The following STAT4 variants were observed in gnomAD, a reference collection of about 807,000 sequenced individuals.
The protein encoded by STAT4 is signal transducer and activator of transcription 4.
STAT4 carries 42 observed loss-of-function variants against 110.5 expected under a neutral mutation model. The ratio of observed to expected loss-of-function variants is 0.38; its 90% confidence interval spans 0.30 to 0.49. The LOEUF (loss-of-function observed/expected upper bound fraction) is 0.49, where lower values mean the gene tolerates loss of function less well. STAT4 is among the 20% of genes least tolerant of loss of function. The pLI is 0.95. For missense variants in STAT4, 632 were observed against 887.9 expected, an observed-to-expected ratio of 0.71 and a Z score of 3.66; for synonymous variants, 284 against 302.2, an observed-to-expected ratio of 0.94 and a Z score of 0.63.
At chr2:191,130,483 A>G (rs1699005912) in intron 3 of STAT4, among the ~76,000 whole-genome samples, 1 of 151,568 alleles carries the variant, frequency 6.6e-6, no homozygotes, top group Admixed American at 6.6e-5. Context: ...CGGCCTCCCA[A>G]AGTGCTGGGA....
chr2:191,095,917 T>TA (rs1395658195), intron 3 of STAT4, among the ~76,000 whole-genome samples: 10 of 151,878 alleles, frequency 6.6e-5, no homozygotes, highest in African/African-American at 2.4e-4. Flanking sequence ...ACAGATGCAA[T>TA]AAAAAATGAT....
At chr2:191,048,179 T>C (rs1696404206) in intron 14 of STAT4, among the ~76,000 whole-genome samples, 1 of 152,190 alleles carries the variant, frequency 6.6e-6, no homozygotes, top group Non-Finnish European at 1.5e-5. Context: ...TTTACTGAAC[T>C]GAAATGTGGG....
intron 7 of STAT4, 61 bp from the exon 8 acceptor site, chr2:191,065,019 T>C: frequency 1.4e-6 from 2 of 1,433,084 alleles, no homozygotes; most frequent in Non-Finnish European, 1.8e-6. Flanking sequence ...TAGAATTCAA[T>C]TTACAAAACT....
intron 3 of STAT4, among the ~76,000 whole-genome samples, chr2:191,106,362 GAA>G (rs113578974): frequency 7.0e-6 from 1 of 143,484 alleles, no homozygotes; most frequent in Non-Finnish European, 1.5e-5. Context: ...TGTCTGCTTA[GAA>G]AAAAAAAAAA....
At chr2:191,038,614 T>C (rs981226058) in intron 16 of STAT4, among the ~76,000 whole-genome samples, 8 of 152,202 alleles carry the variant, frequency 5.3e-5, no homozygotes, top group African/African-American at 1.7e-4. Context: ...CCTTCCCTGG[T>C]TGTCTTATAA....
In STAT4 at chr2:191,137,015, T is replaced by C. The variant is rs1432315131; in HGVS notation, c.273+9598A>G. Among the ~76,000 whole-genome samples the C allele has an allele frequency of 2.8e-5, 3 of 106,402 alleles. No homozygotes were observed. The East Asian group carries it at 7.4e-4, about 26-fold the overall frequency. The allele number at this position is 106,402 out of a possible 152,430, so 69.8% of individuals were successfully genotyped here. A position where few individuals can be genotyped will look rare whatever the true frequency, so the allele number is the denominator to read the frequency against. On this transcript the variant is annotated intron_variant, in intron 3 of 23. Coordinates refer to ENST00000392320, the MANE Select transcript of STAT4 (RefSeq NM_003151.4). ...AATTTAACGAAGAAAGTGAAAGATC[T>C]CTACAAGGAAAACTACAAAACACTG...
intron 3 of STAT4, among the ~76,000 whole-genome samples, chr2:191,109,636 A>G (rs1027783084): frequency 6.6e-6 from 1 of 152,196 alleles, no homozygotes; most frequent in Admixed American, 6.5e-5. Context: ...GAAGGCTTTC[A>G]GTAGTGTAGG....
intron 3 of STAT4, among the ~76,000 whole-genome samples, chr2:191,130,702 G>C (rs1699012009): frequency 6.6e-6 from 1 of 151,648 alleles, no homozygotes; most frequent in Admixed American, 6.6e-5. Flanking sequence ...TTGTTTTACA[G>C]GTTTTTCTTA....
At position 191,146,644 on chromosome 2, in the gene STAT4, T is replaced by C; in HGVS notation, c.242A>G (p.His81Arg). The C allele has an allele frequency of 6.3e-7, 1 of 1,583,638 alleles. No homozygotes were observed. The highest frequency in any genetic ancestry group is 8.6e-7 in the Non-Finnish European group (1 of 1,166,502). Residue 81 changes from histidine to arginine, a missense_variant, in exon 3 of 24, where the codon CAC (histidine) becomes CGC (arginine). By Grantham distance (29) the His-to-Arg change is conservative. This residue lies in a region of STAT4 where 488 missense variants were observed against 632.8 expected (regional missense o/e 0.77). Coordinates refer to ENST00000392320, the MANE Select transcript of STAT4 (RefSeq NM_003151.4). This position sits in a 1 kb window ranked among gnomAD's most constrained non-coding sequence, Gnocchi z 4.5. ...VSKEKNLLLI[H>R]NLKRIRKVLQ... ...GACCTTCCTAATTCTTTTTAGATTG[T>C]GTATCAAGAGTAGGTTTTTCTCTTT... is the stretch of plus-strand genomic sequence containing the variant.
chr2:191,127,458 T>C (rs572071807), intron 3 of STAT4, among the ~76,000 whole-genome samples: 1 of 152,212 alleles, frequency 6.6e-6, no homozygotes, highest in Non-Finnish European at 1.5e-5. Context: ...TGAATTATGA[T>C]TGCATATGCC....
At chr2:191,149,079 G>A (rs1399660631) in intron 1 of STAT4, among the ~76,000 whole-genome samples, 1 of 152,124 alleles carries the variant, frequency 6.6e-6, no homozygotes, top group Non-Finnish European at 1.5e-5. Context: ...TTAGTATGAC[G>A]CTGCCTCCTT....
rs1256812727 is a variant in STAT4 at position 191,039,222 on chromosome 2, T to G, written c.1411A>C (p.Asn471His). The G allele has an allele frequency of 1.9e-6, 3 of 1,614,096 alleles. No homozygotes were observed. Among genetic ancestry groups the G allele is most frequent in the Non-Finnish European group, 2.5e-6 (3 of 1,180,022 alleles). Reference sequence around the variant, plus strand: ...ACCTGGGAATCGTTGGTTGACACGTTGTACCAAATGATGGATGCCCAAGCA... The same window carrying G: ...ACCTGGGAATCGTTGGTTGACACGTGGTACCAAATGATGGATGCCCAAGCA... Reference protein sequence around the residue: ...PNAWASIIWYNVSTNDSQNLV... With the variant: ...PNAWASIIWYHVSTNDSQNLV... Residue 471 changes from asparagine to histidine, a missense_variant, in exon 16 of 24, where the codon AAC (asparagine) becomes CAC (histidine). Asn to His is a moderately conservative substitution (Grantham distance 68, BLOSUM62 1). Transcript: ENST00000392320. This position sits in a 1 kb window ranked among gnomAD's most constrained non-coding sequence, Gnocchi z 4.7.
rs1696594470 is a variant in STAT4, at chr2:191,053,665, A to G, written c.1251+825T>C. On this transcript the variant is annotated intron_variant, in intron 14 of 23. Transcript: ENST00000392320. This position sits in a 1 kb window ranked among gnomAD's most constrained non-coding sequence, Gnocchi z 4.5. The stretch of plus-strand genomic sequence containing the variant: ...GTTGTTTTTTACCCCACATATCATA[A>G]TTTTTCAGCCTGACTTCATATATGT... Among the ~76,000 whole-genome samples, 1 of 152,198 alleles carries G rather than the reference A, an allele frequency of 6.6e-6. No homozygotes were observed. The highest frequency in any genetic ancestry group is 2.4e-5 in the African/African-American group (1 of 41,438).
rs142883431 is a variant in STAT4, at chr2:191,087,448, T to C, written c.274-11123A>G. Among the ~76,000 whole-genome samples the C allele has an allele frequency of 7.7e-4, 118 of 152,332 alleles. 1 individual carries two copies. Among genetic ancestry groups the C allele is most frequent in the African/African-American group, 2.7e-3 (111 of 41,580 alleles). ...CAGAAGTGGCCTTGCAAAGCTCTTTTGTGGGAAAAATTTGCATCTGTAGAG... is the reference window on the plus strand; with the variant it reads ...CAGAAGTGGCCTTGCAAAGCTCTTTCGTGGGAAAAATTTGCATCTGTAGAG... On this transcript the variant is annotated intron_variant, in intron 3 of 23. Transcript: ENST00000392320.
chr2:191,073,042 A>G (rs1407968611), intron 5 of STAT4, 56 bp downstream of exon 5: 16 of 1,461,468 alleles, frequency 1.1e-5, no homozygotes, highest in South Asian at 3.5e-5. Context: ...AGAATGGTGC[A>G]TAGTTATATG....
Position 191,031,854 on chromosome 2 carries a change from G to A in STAT4, c.2045-338C>T, listed in dbSNP as rs1280872696. Among the ~76,000 whole-genome samples the A allele has an allele frequency of 3.9e-5, 6 of 152,208 alleles. No homozygotes were observed. Among genetic ancestry groups the A allele is most frequent in the Non-Finnish European group, 8.8e-5 (6 of 67,994 alleles). ...ATAAGGACTGATTGAGTCATGTTTT[G>A]GGAGATATAATAACCCAGTTCTTTT... On this transcript the variant is annotated intron_variant, in intron 21 of 23. Coordinates refer to ENST00000392320, the MANE Select transcript of STAT4 (RefSeq NM_003151.4). This position sits in a 1 kb window ranked among gnomAD's most constrained non-coding sequence, Gnocchi z 4.8.
chr2:191,052,178 T>A (rs1696544255), intron 14 of STAT4, among the ~76,000 whole-genome samples: 1 of 152,220 alleles, frequency 6.6e-6, no homozygotes, highest in Non-Finnish European at 1.5e-5. Context: ...CACTCTTTCC[T>A]AACCTTTGTG....
intron 3 of STAT4, among the ~76,000 whole-genome samples, chr2:191,076,903 C>A (rs571992302): frequency 2.0e-5 from 3 of 151,916 alleles, no homozygotes; most frequent in South Asian, 2.1e-4. Flanking sequence ...CCTCAGCCTC[C>A]CAAAGTTTGG....
At chr2:191,131,466 T>G in intron 3 of STAT4, 1 of 170,576 alleles carries the variant, frequency 5.9e-6, no homozygotes, top group Non-Finnish European at 1.2e-5. Context: ...GTTGCTGAAG[T>G]ATAAATATAG....
Sources: allele counts gnomAD v4.1 joint callset (sites outside exome capture counted in the v4.1 genomes callset), GRCh38; gene constraint gnomAD v4.1.1; regional missense constraint gnomAD v4.1.1; non-coding constraint Gnocchi (gnomAD v3.1); transcripts MANE v1.5; gene names NCBI Gene and HGNC (gene_info 2026-07-23, HGNC 2026-07-21).